Variants in KCNAB1 observed in about 807,000 individuals in gnomAD.
The protein encoded by KCNAB1 is potassium voltage-gated channel subfamily A regulatory beta subunit 1, also known as voltage-gated potassium channel subunit beta-1.
Under a neutral mutation model 64.6 loss-of-function variants are expected in KCNAB1, and 35 were observed. The observed-to-expected ratio is 0.54, with a 90% CI of 0.41 to 0.72. KCNAB1 has a LOEUF of 0.72. KCNAB1 is among the 30% of genes least tolerant of loss of function. The probability of loss-of-function intolerance (pLI) is 0.00; values close to 1 mark genes in which losing one functional copy is unlikely to be tolerated. For missense variants in KCNAB1, 401 were observed against 512.9 expected (o/e 0.78, Z 2.11); for synonymous variants, 177 against 183.8 (o/e 0.96, Z 0.30).
chr3:156,345,644 TAGAG>T (rs1465636085), intron 1 of KCNAB1, among the ~76,000 whole-genome samples: 1 of 152,204 alleles, frequency 6.6e-6, no homozygotes, highest in East Asian at 1.9e-4. Flanking sequence ...TGAGGACAGA[TAGAG>T]GGACAGGATA....
intron 1 of KCNAB1, among the ~76,000 whole-genome samples, chr3:156,242,240 T>C (rs985666616): frequency 2.0e-5 from 3 of 152,234 alleles, no homozygotes; most frequent in African/African-American, 7.2e-5. Flanking sequence ...TATTATTTGC[T>C]ACATTTTCTC....
At chr3:156,428,607 G>A (rs1559879783) in intron 2 of KCNAB1, among the ~76,000 whole-genome samples, 1 of 151,542 alleles carries the variant, frequency 6.6e-6, no homozygotes, top group Non-Finnish European at 1.5e-5. Context: ...CATCATGCAA[G>A]TGTATGTGGC....
At chr3:156,179,158 TTGA>T (rs1463839136) in intron 1 of KCNAB1, among the ~76,000 whole-genome samples, 1 of 152,048 alleles carries the variant, frequency 6.6e-6, no homozygotes, top group African/African-American at 2.4e-5. Context: ...TATGAATTTA[TTGA>T]TGAATTGAAA....
intron 8 of KCNAB1, among the ~76,000 whole-genome samples, chr3:156,504,183 T>G (rs1716656107): frequency 6.6e-6 from 1 of 152,184 alleles, no homozygotes; most frequent in African/African-American, 2.4e-5. Flanking sequence ...TGCACCTGGC[T>G]TATTTCACAT....
intron 1 of KCNAB1, among the ~76,000 whole-genome samples, chr3:156,364,250 G>A (rs73873334): frequency 0.016 from 2,400 of 152,280 alleles, 63 homozygotes; most frequent in African/African-American, 0.053. Flanking sequence ...CAGAGCAATT[G>A]AGATATATCT....
chr3:156,328,468 G>A (rs969180029), intron 1 of KCNAB1, among the ~76,000 whole-genome samples: 19 of 152,102 alleles, frequency 1.2e-4, no homozygotes, highest in African/African-American at 4.3e-4. Context: ...TCTTTTGCAC[G>A]TGTTGCTATT....
intron 1 of KCNAB1, among the ~76,000 whole-genome samples, chr3:156,358,897 A>G (rs190801298): frequency 2.6e-5 from 4 of 152,352 alleles, no homozygotes; most frequent in Admixed American, 2.0e-4. Context: ...ATTGTTTTAC[A>G]CTATGGATTC....
chr3:156,192,793 A>G (rs1325728220), intron 1 of KCNAB1, among the ~76,000 whole-genome samples: 1 of 152,102 alleles, frequency 6.6e-6, no homozygotes, highest in Non-Finnish European at 1.5e-5. Context: ...TTCTAATATT[A>G]TTATAGCTAA....
At chr3:156,295,626 G>C (rs915329732) in intron 1 of KCNAB1, among the ~76,000 whole-genome samples, 6 of 152,188 alleles carry the variant, frequency 3.9e-5, no homozygotes, top group African/African-American at 1.2e-4. Context: ...CAAAGCTACT[G>C]TCAGCCCAAG....
At chr3:156,521,574 G>C (rs1717941883) in intron 11 of KCNAB1, among the ~76,000 whole-genome samples, 1 of 152,188 alleles carries the variant, frequency 6.6e-6, no homozygotes, top group Non-Finnish European at 1.5e-5. Flanking sequence ...GCAGTGGGGT[G>C]ATAGAATAGG....
At chr3:156,176,395 C>CT (rs1712371540) in intron 1 of KCNAB1, 2 of 787,082 alleles carry the variant, frequency 2.5e-6, no homozygotes, top group Non-Finnish European at 4.7e-6. Context: ...CAAAGCTTAA[C>CT]TGTGCCATCG....
At chr3:156,158,753 C>T (rs142625849) in intron 1 of KCNAB1, among the ~76,000 whole-genome samples, 131 of 152,316 alleles carry the variant, frequency 8.6e-4, no homozygotes, top group Non-Finnish European at 1.7e-3. Flanking sequence ...GTGGCAGCTT[C>T]AAGCCTTCCT....
At chr3:156,527,475 A>G (rs1390226028) in intron 12 of KCNAB1, among the ~76,000 whole-genome samples, 1 of 152,164 alleles carries the variant, frequency 6.6e-6, no homozygotes, top group Non-Finnish European at 1.5e-5. Flanking sequence ...ATTCTGCACA[A>G]TCATATATGG....
intron 8 of KCNAB1, among the ~76,000 whole-genome samples, chr3:156,499,816 G>A (rs1447805104): frequency 6.6e-6 from 1 of 152,084 alleles, no homozygotes; most frequent in African/African-American, 2.4e-5. Context: ...CACAAGGTAG[G>A]CACTCAGTAG....
intron 1 of KCNAB1, among the ~76,000 whole-genome samples, chr3:156,356,620 C>T (rs1725264011): frequency 6.6e-6 from 1 of 152,160 alleles, no homozygotes; most frequent in Non-Finnish European, 1.5e-5. Context: ...TTGAAGCTCC[C>T]TTTCTCTGGG....
intron 1 of KCNAB1, among the ~76,000 whole-genome samples, chr3:156,143,716 T>C (rs948617917): frequency 6.6e-6 from 1 of 151,470 alleles, no homozygotes; most frequent in East Asian, 1.9e-4. Context: ...GGAGGTGATT[T>C]GGCAGGTCAA....
In KCNAB1 at chr3:156,428,771, G is replaced by A. The variant is rs1157330178; in HGVS notation, c.319+7112G>A. Among the ~76,000 whole-genome samples the A allele has an allele frequency of 3.9e-5, 6 of 152,038 alleles. No individual in the cohort carries two copies. The East Asian group carries it at 5.8e-4, about 15-fold the overall frequency. On this transcript the variant is annotated intron_variant, in intron 2 of 13. Transcript: ENST00000490337. Reference sequence around the variant, plus strand: ...CAAATGGAGCTTTCCTGGGCTGTTCGCAGGTCAAGAGGACAATTTATGCAG... The same window carrying A: ...CAAATGGAGCTTTCCTGGGCTGTTCACAGGTCAAGAGGACAATTTATGCAG...
chr3:156,355,800 C>T (rs1244400592), intron 1 of KCNAB1, among the ~76,000 whole-genome samples: 1 of 151,974 alleles, frequency 6.6e-6, no homozygotes, highest in Non-Finnish European at 1.5e-5. Flanking sequence ...TTCTAAAGTG[C>T]TTGTAATTTC....
intron 1 of KCNAB1, among the ~76,000 whole-genome samples, chr3:156,179,580 G>C (rs535701713): frequency 6.6e-6 from 1 of 152,006 alleles, no homozygotes; most frequent in Non-Finnish European, 1.5e-5. Context: ...AGCTGAACTA[G>C]CTTCACTAAC....
Sources: allele counts gnomAD v4.1 joint callset (sites outside exome capture counted in the v4.1 genomes callset), GRCh38; gene constraint gnomAD v4.1.1; transcripts MANE v1.5; gene names NCBI Gene and HGNC (gene_info 2026-07-23, HGNC 2026-07-21).